PTPRN2: variants seen among roughly 807,000 people sequenced by gnomAD.
The protein encoded by PTPRN2 is protein tyrosine phosphatase receptor type N2.
A neutral mutation model predicts 118.8 loss-of-function variants in PTPRN2; 74 were observed. That is an observed-to-expected ratio of 0.62 (90% confidence interval 0.52 to 0.76). The LOEUF (loss-of-function observed/expected upper bound fraction) is 0.76, where lower values mean the gene tolerates loss of function less well. Among genes scored for constraint, PTPRN2 ranks in the 30% least tolerant of loss-of-function variants. PTPRN2 has a pLI of 0.00. For missense variants in PTPRN2, 1,481 were observed against 1,394.4 expected, an observed-to-expected ratio of 1.06 and a Z score of -0.99; for synonymous variants, 641 against 608.0, an observed-to-expected ratio of 1.05 and a Z score of -0.80.
chr7:158,422,725 C>T (rs1212475165), intron 2 of PTPRN2, among the ~76,000 whole-genome samples: 1 of 150,130 alleles, frequency 6.7e-6, no homozygotes, highest in Non-Finnish European at 1.5e-5. Flanking sequence ...CAGTCACACC[C>T]AGGCTGACAC....
intron 3 of PTPRN2, among the ~76,000 whole-genome samples, chr7:158,303,047 GCTA>G (rs560682606): frequency 9.7e-4 from 147 of 151,956 alleles, no homozygotes; most frequent in African/African-American, 3.2e-3. Context: ...GGAAAATATA[GCTA>G]CTGTGTTTAT....
chr7:158,371,075 T>C (rs1178820413), intron 2 of PTPRN2, among the ~76,000 whole-genome samples: 2 of 152,134 alleles, frequency 1.3e-5, no homozygotes, highest in Non-Finnish European at 2.9e-5. Flanking sequence ...CACTCGGTCA[T>C]AACGAAAAAT....
At chr7:158,104,601 C>A (rs142673491) in intron 10 of PTPRN2, among the ~76,000 whole-genome samples, 1 of 152,204 alleles carries the variant, frequency 6.6e-6, no homozygotes, top group Non-Finnish European at 1.5e-5. Flanking sequence ...GAGGAAGAGC[C>A]AACAACCACC....
At chr7:157,961,039 C>CA (rs1249250509) in intron 11 of PTPRN2, among the ~76,000 whole-genome samples, 1 of 151,690 alleles carries the variant, frequency 6.6e-6, no homozygotes, top group East Asian at 1.9e-4. Context: ...CAAAACAAAA[C>CA]AAAAAACAAG....
intron 10 of PTPRN2, among the ~76,000 whole-genome samples, chr7:158,100,736 GT>G (rs1402629931): frequency 6.6e-6 from 1 of 152,130 alleles, no homozygotes; most frequent in East Asian, 1.9e-4. Flanking sequence ...TTAGCCCATT[GT>G]TTGATGGGAC....
At chr7:158,419,030 G>A (rs1815031560) in intron 2 of PTPRN2, among the ~76,000 whole-genome samples, 1 of 152,204 alleles carries the variant, frequency 6.6e-6, no homozygotes, top group African/African-American at 2.4e-5. Flanking sequence ...GGCTCACATA[G>A]TCCTTGCCAC....
At chr7:158,401,730 G>T (rs948856976) in intron 2 of PTPRN2, among the ~76,000 whole-genome samples, 1 of 152,256 alleles carries the variant, frequency 6.6e-6, no homozygotes, top group African/African-American at 2.4e-5. Flanking sequence ...GACAAAATTT[G>T]AAGGGGCTGA....
At chr7:158,458,374 G>A (rs941620907) in intron 2 of PTPRN2, among the ~76,000 whole-genome samples, 14 of 152,086 alleles carry the variant, frequency 9.2e-5, no homozygotes, top group African/African-American at 2.7e-4. Flanking sequence ...AGCTTACCAC[G>A]GCCACCTGGG....
intron 11 of PTPRN2, among the ~76,000 whole-genome samples, chr7:158,040,052 A>G (rs891961667): frequency 6.6e-6 from 1 of 150,616 alleles, no homozygotes; most frequent in African/African-American, 2.5e-5. Context: ...AAAACTCCCC[A>G]AGACAAAAAG....
chr7:158,492,932 A>G (rs367659040), intron 1 of PTPRN2, among the ~76,000 whole-genome samples: 1 of 152,230 alleles, frequency 6.6e-6, no homozygotes, highest in South Asian at 2.1e-4. Flanking sequence ...GACTGCATAC[A>G]CTAAGGTCCA....
intron 12 of PTPRN2, among the ~76,000 whole-genome samples, chr7:157,701,335 G>T (rs12698105): frequency 0.16 from 24,397 of 152,104 alleles, 2,384 homozygotes; most frequent in Non-Finnish European, 0.22. Context: ...GAGCTCCGCG[G>T]GTCTCCGCCA....
intron 9 of PTPRN2, among the ~76,000 whole-genome samples, chr7:158,131,838 AAC>A (rs140758625): frequency 1.6e-4 from 23 of 147,792 alleles, no homozygotes; most frequent in East Asian, 4.1e-4. Context: ...ACATCTACCC[AAC>A]ACACACACAC....
rs541929732 is a variant in PTPRN2, at chr7:158,529,515, G to A, written c.113-39730C>T. Among the ~76,000 whole-genome samples the A allele has an allele frequency of 2.0e-5, 3 of 152,304 alleles. No individual in the cohort carries two copies. Among genetic ancestry groups the A allele is most frequent in the East Asian group, 1.9e-4 (1 of 5,172 alleles). On this transcript the variant is annotated intron_variant, in intron 1 of 22. Transcript: ENST00000389418. The surrounding 1 kb of genome is among the most constrained non-coding windows in gnomAD (Gnocchi z 4.7). ...TCACACACAGCTGCAAACTCACATC[G>A]CTGCCTCTGGAACCACAGAGTGCTC...
At chr7:157,680,456 T>C (rs1468133748) in intron 13 of PTPRN2, among the ~76,000 whole-genome samples, 2 of 152,254 alleles carry the variant, frequency 1.3e-5, no homozygotes, top group African/African-American at 4.8e-5. Context: ...ATGGATACGT[T>C]AATGAATTAA....
At chr7:158,335,434 G>A (rs1586336409) in intron 2 of PTPRN2, among the ~76,000 whole-genome samples, 2 of 37,902 alleles carry the variant, frequency 5.3e-5, no homozygotes, top group Non-Finnish European at 1.1e-4. Context: ...AACCATAAGA[G>A]GTGACACATG....
intron 11 of PTPRN2, among the ~76,000 whole-genome samples, chr7:157,900,559 G>A (rs1188602735): frequency 6.6e-6 from 1 of 152,166 alleles, no homozygotes; most frequent in East Asian, 1.9e-4. Context: ...TGCCTTGCTG[G>A]CCCTGAGGTC....
chr7:158,479,141 G>A (rs780174921), intron 2 of PTPRN2, among the ~76,000 whole-genome samples: 1 of 151,960 alleles, frequency 6.6e-6, no homozygotes, highest in Non-Finnish European at 1.5e-5. Flanking sequence ...TGAGAGCTGC[G>A]GCCTAGAACA....
intron 2 of PTPRN2, among the ~76,000 whole-genome samples, chr7:158,488,736 G>A (rs943626648): frequency 3.3e-5 from 5 of 152,254 alleles, no homozygotes; most frequent in African/African-American, 1.2e-4. Context: ...CTCTGGGCAG[G>A]CCCCGCCATC....
At chr7:158,098,293 G>A (rs1409932006) in intron 10 of PTPRN2, among the ~76,000 whole-genome samples, 1 of 152,234 alleles carries the variant, frequency 6.6e-6, no homozygotes, top group African/African-American at 2.4e-5. Context: ...GATCCTGCGG[G>A]TGAGGCCACC....
Sources: allele counts gnomAD v4.1 joint callset (sites outside exome capture counted in the v4.1 genomes callset), GRCh38; gene constraint gnomAD v4.1.1; non-coding constraint Gnocchi (gnomAD v3.1); transcripts MANE v1.5; gene names NCBI Gene and HGNC (gene_info 2026-07-23, HGNC 2026-07-21).